PLPPR4: variants seen among roughly 807,000 people sequenced by gnomAD.
PLPPR4 encodes the protein phospholipid phosphatase related 4.
Under a neutral mutation model 56.6 loss-of-function variants are expected in PLPPR4, and 24 were observed. The ratio of observed to expected loss-of-function variants is 0.42; its 90% CI spans 0.31 to 0.60. The LOEUF (loss-of-function observed/expected upper bound fraction) is 0.60. Ranked by LOEUF, PLPPR4 falls within the 20% of genes least tolerant of loss-of-function variation. The pLI, the probability that PLPPR4 is intolerant of heterozygous loss-of-function variation, is 0.13. For synonymous variants in PLPPR4, 326 were observed against 328.1 expected (o/e 0.99, Z 0.07); for missense variants, 654 against 885.8 (o/e 0.74, Z 3.32).
At chr1:99,279,279 A>G (rs1659265291) in intron 1 of PLPPR4, among the ~76,000 whole-genome samples, 1 of 152,220 alleles carries the variant, frequency 6.6e-6, no homozygotes, top group South Asian at 2.1e-4. Flanking sequence ...GTATGGTCAG[A>G]GAAAGTGATC....
chr1:99,277,926 C>A (rs923232201), intron 1 of PLPPR4, among the ~76,000 whole-genome samples: 5 of 152,074 alleles, frequency 3.3e-5, no homozygotes, highest in African/African-American at 1.2e-4. Flanking sequence ...AGGTGAACAT[C>A]TGTGTGCTTT....
chr1:99,295,453 T>C (rs932073259), intron 2 of PLPPR4, among the ~76,000 whole-genome samples: 1 of 152,204 alleles, frequency 6.6e-6, no homozygotes, highest in African/African-American at 2.4e-5. Context: ...ATGGAAAACC[T>C]GTTTCAGTCC....
intron 4 of PLPPR4, 114 bp downstream of exon 4, chr1:99,299,344 CT>C: frequency 2.6e-6 from 2 of 765,730 alleles, no homozygotes; most frequent in Admixed American, 2.9e-5. Flanking sequence ...TTTTATTTTT[CT>C]TTTCAATTCA....
chr1:99,304,067 A>G (rs1659951891), intron 6 of PLPPR4, among the ~76,000 whole-genome samples: 2 of 152,218 alleles, frequency 1.3e-5, no homozygotes, highest in Non-Finnish European at 2.9e-5. Context: ...CACCTACAAA[A>G]TAAAGATACT....
chr1:99,276,401 T>C (rs577013405), intron 1 of PLPPR4, among the ~76,000 whole-genome samples: 1 of 152,294 alleles, frequency 6.6e-6, no homozygotes, highest in Non-Finnish European at 1.5e-5. Flanking sequence ...ATATGAACTT[T>C]CATAATATTT....
In PLPPR4 at chr1:99,306,139, C is replaced by G; in HGVS notation, c.1277C>G (p.Pro426Arg). 1 of 1,614,076 alleles carries G rather than the reference C, an allele frequency of 6.2e-7. No individual in the cohort carries two copies. Among genetic ancestry groups the G allele is most frequent in the Non-Finnish European group, 8.5e-7 (1 of 1,180,016 alleles). The change falls in exon 7 of 7, where the codon CCC becomes CGC. Residue 426 changes from proline to arginine, a missense_variant. This residue lies in a region of PLPPR4 where 468 missense variants were observed against 554.3 expected (regional missense o/e 0.84). Transcript: ENST00000370185. The surrounding 1 kb of genome is among the most constrained non-coding windows in gnomAD (Gnocchi z 4.0). ...GAGCCTGAGCCTGGGCAGTCACCAC[C>G]CAGATCCATAGAAATGAGGTCAAGC... ...VIEPEPGQSP[P>R]RSIEMRSSSE...
intron 3 of PLPPR4, among the ~76,000 whole-genome samples, chr1:99,298,360 T>C (rs1175003484): frequency 2.0e-5 from 3 of 152,154 alleles, no homozygotes; most frequent in Non-Finnish European, 4.4e-5. Context: ...AGTTTGCATG[T>C]ACAAGTGCAA....
At chr1:99,287,253 T>C (rs1005329045) in intron 1 of PLPPR4, among the ~76,000 whole-genome samples, 2 of 50,468 alleles carry the variant, frequency 4.0e-5, no homozygotes, top group Non-Finnish European at 8.8e-5. Context: ...TTCCATGGTG[T>C]ATATATATAT....
Position 99,305,958 on chromosome 1 carries a change from A to C in PLPPR4, c.1096A>C (p.Ser366Arg). 6.2e-7 allele frequency: 1 copy of C among 1,614,188 alleles called. No individual in the cohort carries two copies. Among genetic ancestry groups the C allele is most frequent in the Non-Finnish European group, 8.5e-7 (1 of 1,180,026 alleles). ...GGGGAAGGAGAACATGGTTACCTTCAGCAATACCTTGCCGCGAGCCAATAC... is the reference window on the plus strand; with the variant it reads ...GGGGAAGGAGAACATGGTTACCTTCCGCAATACCTTGCCGCGAGCCAATAC... ...PMGKENMVTF[S>R]NTLPRANTPS... Residue 366 changes from serine (S) to arginine (R), a missense_variant, in exon 7 of 7, where the codon AGC (serine) becomes CGC (arginine). Around this residue, in one of 2 missense-constraint regions of PLPPR4, gnomAD observed 468 missense variants for 554.3 expected, o/e 0.84. Coordinates refer to ENST00000370185, the MANE Select transcript of PLPPR4 (RefSeq NM_014839.5).
chr1:99,307,089 G>A lies in PLPPR4; in HGVS notation c.*79G>A. 2 of 1,494,614 alleles carry A rather than the reference G, an allele frequency of 1.3e-6. No homozygotes were observed. Among genetic ancestry groups the A allele is most frequent in the Non-Finnish European group, 1.8e-6 (2 of 1,122,290 alleles). 92.6% of individuals were successfully genotyped at this position (1,494,614 alleles called of 1,614,324 possible). The stretch of plus-strand genomic sequence containing the variant: ...ACCTGTGTTCTGTTCCAGCGAATTG[G>A]GAAGTCTCACCAAGCTAGATTGTCT... On this transcript the variant is annotated 3_prime_UTR_variant, in exon 7 of 7. Transcript: ENST00000370185.
chr1:99,291,095 C>CA (rs200903167), intron 2 of PLPPR4, among the ~76,000 whole-genome samples: 3,263 of 136,544 alleles, frequency 0.024, 40 homozygotes, highest in Non-Finnish European at 0.03. Flanking sequence ...ACAAATTTAC[C>CA]AAAAAAAAAA....
At position 99,305,831 on chromosome 1, in the gene PLPPR4, T is replaced by C. The variant is rs371383577; in HGVS notation, c.969T>C (p.His323=). The change falls in exon 7 of 7, where the codon CAT becomes CAC. Residue 323 remains histidine, a synonymous_variant. Transcript: ENST00000370185. ...GTAGCAGCAGTGATGGAATTGCTCA[T>C]ACAGAAGGCATCCTCAACCGAAACC... is the stretch of plus-strand genomic sequence containing the variant. ...KNGSSSDGIA[H]TEGILNRNHR... 15 of 1,614,104 alleles carry C rather than the reference T, an allele frequency of 9.3e-6. 1 individual carries two copies. In the African/African-American group the frequency reaches 1.3e-4, roughly 14 times the overall value.
intron 2 of PLPPR4, among the ~76,000 whole-genome samples, chr1:99,289,552 A>T (rs543308218): frequency 1.3e-5 from 2 of 152,212 alleles, no homozygotes; most frequent in South Asian, 2.1e-4. Context: ...AGAAGCTGAG[A>T]CTTTGAGACT....
At position 99,288,059 on chromosome 1, in the gene PLPPR4, G is replaced by A. The variant is rs774860059; in HGVS notation, c.173G>A (p.Arg58Gln). The A allele has an allele frequency of 1.9e-6, 3 of 1,612,902 alleles. No individual in the cohort carries two copies. The highest frequency in any genetic ancestry group is 2.2e-5 in the East Asian group (1 of 44,834). ...PVHSGFSCYDRSLSMPYIEPT... is the reference protein window; with the variant it reads ...PVHSGFSCYDQSLSMPYIEPT... Reference sequence around the variant, plus strand: ...CACTCTGGATTTAGCTGCTATGACCGGAGTCTTAGCATGCCGTACATTGAA... The same window carrying A: ...CACTCTGGATTTAGCTGCTATGACCAGAGTCTTAGCATGCCGTACATTGAA... Residue 58 changes from arginine (R) to glutamine (Q), a missense_variant, in exon 2 of 7, where the codon CGG (arginine) becomes CAG (glutamine). Coordinates refer to ENST00000370185, the MANE Select transcript of PLPPR4 (RefSeq NM_014839.5).
intron 2 of PLPPR4, among the ~76,000 whole-genome samples, chr1:99,294,825 A>G (rs573321538): frequency 1.3e-5 from 2 of 152,298 alleles, no homozygotes; most frequent in East Asian, 3.9e-4. Context: ...ACTCATGGAC[A>G]AGATGTAATC....
At chr1:99,295,483 T>C (rs1419311569) in intron 2 of PLPPR4, among the ~76,000 whole-genome samples, 1 of 152,226 alleles carries the variant, frequency 6.6e-6, no homozygotes, top group Non-Finnish European at 1.5e-5. Context: ...TTATAGTATT[T>C]ACAGTGACAT....
intron 1 of PLPPR4, among the ~76,000 whole-genome samples, chr1:99,283,177 A>G (rs1659373428): frequency 6.6e-6 from 1 of 152,058 alleles, no homozygotes; most frequent in African/African-American, 2.4e-5. Flanking sequence ...AATACCATGC[A>G]TATAAATTGG....
intron 1 of PLPPR4, among the ~76,000 whole-genome samples, chr1:99,277,391 G>T (rs1192986160): frequency 1.3e-5 from 2 of 152,182 alleles, no homozygotes; most frequent in Admixed American, 1.3e-4. Context: ...AGTCAGAATT[G>T]TGTAAGCTGA....
chr1:99,262,956 C>T (rs1000485831), upstream of PLPPR4, among the ~76,000 whole-genome samples: 4 of 151,992 alleles, frequency 2.6e-5, no homozygotes, highest in African/African-American at 7.3e-5. Context: ...AGATGGCGGT[C>T]GCTGTGTGTG....
Sources: allele counts gnomAD v4.1 joint callset (sites outside exome capture counted in the v4.1 genomes callset), GRCh38; gene constraint gnomAD v4.1.1; regional missense constraint gnomAD v4.1.1; non-coding constraint Gnocchi (gnomAD v3.1); transcripts MANE v1.5; gene names NCBI Gene and HGNC (gene_info 2026-07-23, HGNC 2026-07-21).